RBFOX1: variants seen among roughly 807,000 people sequenced by gnomAD.
RBFOX1 encodes the protein RNA binding fox-1 homolog 1, also known as RNA binding protein fox-1 homolog 1.
In RBFOX1, 8 loss-of-function variants were observed where a neutral mutation model predicts 57.7. The observed-to-expected ratio is 0.14, with a 90% CI of 0.08 to 0.25. The LOEUF (loss-of-function observed/expected upper bound fraction) is 0.25. Among genes scored for constraint, RBFOX1 ranks in the 10% least tolerant of loss-of-function variants. The pLI, the probability that RBFOX1 is intolerant of heterozygous loss-of-function variation, is 1.00. For synonymous variants in RBFOX1, 326 were observed against 222.4 expected, an observed-to-expected ratio of 1.47 and a Z score of -4.15; for missense variants, 611 against 548.5, an observed-to-expected ratio of 1.11 and a Z score of -1.14.
Position 6,480,000 on chromosome 16 carries a change from A to T in RBFOX1, c.-64+162943A>T, listed in dbSNP as rs112009768. Among the ~76,000 whole-genome samples, 907 of 150,456 alleles carry T rather than the reference A, an allele frequency of 6.0e-3. 12 individuals carry two copies. Among genetic ancestry groups the T allele is most frequent in the African/African-American group, 0.021 (869 of 40,826 alleles). Reference sequence around the variant, plus strand: ...CAGGGGCAGAGGTTGCAGTGAGCTGAGATCGTGCCACTGCCCTCCAGGCTG... The same window carrying T: ...CAGGGGCAGAGGTTGCAGTGAGCTGTGATCGTGCCACTGCCCTCCAGGCTG... On this transcript the variant is annotated intron_variant, in intron 2 of 15. Coordinates refer to ENST00000550418, the MANE Select transcript of RBFOX1 (RefSeq NM_018723.4).
At chr16:6,893,677 A>C (rs538952775) in intron 3 of RBFOX1, among the ~76,000 whole-genome samples, 18 of 152,318 alleles carry the variant, frequency 1.2e-4, no homozygotes, top group African/African-American at 4.3e-4. Flanking sequence ...CCAGAACTGT[A>C]CTTTATCAAT....
intron 4 of RBFOX1, among the ~76,000 whole-genome samples, chr16:7,087,774 C>G (rs547854648): frequency 6.6e-6 from 1 of 152,162 alleles, no homozygotes; most frequent in Non-Finnish European, 1.5e-5. Flanking sequence ...TTCAGTTTTT[C>G]TTCCAGATAC....
intron 2 of RBFOX1, among the ~76,000 whole-genome samples, chr16:5,594,008 C>G (rs977711290): frequency 6.6e-6 from 1 of 152,018 alleles, no homozygotes; most frequent in Admixed American, 6.6e-5. Context: ...CACCTTCTGC[C>G]CATTGTTCAT....
chr16:7,191,664 C>T (rs1372095721), intron 4 of RBFOX1, among the ~76,000 whole-genome samples: 2 of 152,202 alleles, frequency 1.3e-5, no homozygotes, highest in Admixed American at 6.5e-5. Context: ...GTGCGTGTTT[C>T]CGTCAGAAGG....
At chr16:5,429,098 C>T (rs774217717) in intron 1 of RBFOX1, among the ~76,000 whole-genome samples, 1 of 152,148 alleles carries the variant, frequency 6.6e-6, no homozygotes, top group African/African-American at 2.4e-5. Flanking sequence ...CAGCCCTGCA[C>T]TGGGTCAGTT....
chr16:7,237,229 C>T (rs1395083002), intron 4 of RBFOX1, among the ~76,000 whole-genome samples: 1 of 152,162 alleles, frequency 6.6e-6, no homozygotes, highest in East Asian at 1.9e-4. Context: ...CCTTGTAATC[C>T]AGAAGACCAC....
chr16:5,814,265 G>C (rs1224373514), intron 3 of RBFOX1, among the ~76,000 whole-genome samples: 1 of 152,088 alleles, frequency 6.6e-6, no homozygotes, highest in African/African-American at 2.4e-5. Context: ...CTGTTACCTT[G>C]CATGCTATGT....
chr16:5,723,171 A>T (rs1329215930), intron 3 of RBFOX1, among the ~76,000 whole-genome samples: 1 of 152,172 alleles, frequency 6.6e-6, no homozygotes, highest in Non-Finnish European at 1.5e-5. Context: ...GAGTGTATGC[A>T]TCTGTAACAT....
rs1309232430 is a variant in RBFOX1, at chr16:7,056,140, C to G, written c.27+4042C>G. Among the ~76,000 whole-genome samples the G allele has an allele frequency of 3.3e-5, 5 of 152,160 alleles. No individual in the cohort carries two copies. The South Asian group carries it at 6.2e-4, about 19-fold the overall frequency. On this transcript the variant is annotated intron_variant, in intron 4 of 15. Transcript: ENST00000550418. ...GGGCATCGTGCATTAGTAACCAGCT[C>G]AGCCCACAGATGCTGTCCATGAGCT...
At chr16:5,547,368 A>G (rs1408385942) in intron 2 of RBFOX1, among the ~76,000 whole-genome samples, 1 of 152,214 alleles carries the variant, frequency 6.6e-6, no homozygotes, top group Non-Finnish European at 1.5e-5. Context: ...GTCTATTATC[A>G]GGTGAATGTA....
chr16:7,319,866 A>G lies in RBFOX1; in HGVS notation c.28-198281A>G, dbSNP rs148272970. 1.6e-4 allele frequency among the ~76,000 whole-genome samples: 24 copies of G among 152,236 alleles called. No individual in the cohort carries two copies. The East Asian group carries it at 3.3e-3, about 21-fold the overall frequency. The stretch of plus-strand genomic sequence containing the variant: ...ATATCCTCATTTGTAGAATGGGGCT[A>G]TTATGAGTACCAATACCATGGACTT... On this transcript the variant is annotated intron_variant, in intron 4 of 15. Transcript: ENST00000550418.
At chr16:6,906,825 C>G (rs529142211) in intron 3 of RBFOX1, among the ~76,000 whole-genome samples, 2 of 151,536 alleles carry the variant, frequency 1.3e-5, no homozygotes, top group East Asian at 2.0e-4. Context: ...TGGGTTCAAG[C>G]AATTCTCCTG....
chr16:7,148,211 A>G (rs530213724), intron 4 of RBFOX1, among the ~76,000 whole-genome samples: 47 of 152,352 alleles, frequency 3.1e-4, no homozygotes, highest in Admixed American at 7.2e-4. Context: ...TAGATCAACA[A>G]TTAAGATGAA....
At chr16:6,883,010 A>T (rs149312726) in intron 3 of RBFOX1, among the ~76,000 whole-genome samples, 1 of 152,156 alleles carries the variant, frequency 6.6e-6, no homozygotes, top group African/African-American at 2.4e-5. Context: ...GTTAAGTCCA[A>T]TCTGCAGATA....
intron 1 of RBFOX1, among the ~76,000 whole-genome samples, chr16:5,311,219 T>C (rs2064079315): frequency 6.6e-6 from 1 of 152,222 alleles, no homozygotes; most frequent in Admixed American, 6.5e-5. Context: ...TTTGTATGTA[T>C]GTACATACAT....
chr16:5,696,503 T>C (rs1327226595), intron 3 of RBFOX1, among the ~76,000 whole-genome samples: 2 of 152,208 alleles, frequency 1.3e-5, no homozygotes, highest in Admixed American at 1.3e-4. Context: ...TGACTAAATA[T>C]GTAGGAATAA....
At chr16:6,052,815 T>TAATAATAATAAC (rs2095569259) in intron 1 of RBFOX1, among the ~76,000 whole-genome samples, 1 of 147,762 alleles carries the variant, frequency 6.8e-6, no homozygotes, top group Non-Finnish European at 1.5e-5. Flanking sequence ...ATAATAATAA[T>TAATAATAATAAC]AATAATAATA....
chr16:5,975,886 C>G (rs952079266), intron 4 of RBFOX1, among the ~76,000 whole-genome samples: 3 of 152,106 alleles, frequency 2.0e-5, no homozygotes, highest in Non-Finnish European at 2.9e-5. Flanking sequence ...TGGCTCATTC[C>G]TATAATCCCA....
chr16:5,493,949 A>G (rs2042917068), intron 2 of RBFOX1, among the ~76,000 whole-genome samples: 4 of 152,244 alleles, frequency 2.6e-5, no homozygotes, highest in Admixed American at 2.6e-4. Flanking sequence ...AAAACAAAAG[A>G]AAAAGGATAG....
Sources: gnomAD v4.1 joint callset for allele counts (sites outside exome capture counted in the v4.1 genomes callset) on GRCh38, gnomAD v4.1.1 for gene constraint, MANE v1.5 for transcripts, NCBI Gene and HGNC (gene_info 2026-07-23, HGNC 2026-07-21) for gene names.